The following DCUN1D5 variants were observed in gnomAD, a reference collection of about 807,000 sequenced individuals.
The protein encoded by DCUN1D5 is DCN1-like protein 5.
DCUN1D5 carries 10 observed loss-of-function variants against 38.3 expected under a neutral mutation model. That is an observed-to-expected ratio of 0.26 (90% CI 0.16 to 0.44). The LOEUF (loss-of-function observed/expected upper bound fraction) is 0.44. DCUN1D5 is among the 20% of genes least tolerant of loss of function. DCUN1D5 has a pLI of 1.00. For missense variants in DCUN1D5, 148 were observed against 275.3 expected, an observed-to-expected ratio of 0.54 and a Z score of 3.27; for synonymous variants, 93 against 90.9, an observed-to-expected ratio of 1.02 and a Z score of -0.13.
At chr11:103,089,651 T>G (rs1022251815) in intron 1 of DCUN1D5, among the ~76,000 whole-genome samples, 1 of 152,132 alleles carries the variant, frequency 6.6e-6, no homozygotes, top group Non-Finnish European at 1.5e-5. Context: ...TTCTATTGAT[T>G]TGCATAGAAA....
rs1448522093 is a variant in DCUN1D5, at chr11:103,078,381, G to A, written c.341+4367C>T. On this transcript the variant is annotated intron_variant, in intron 4 of 7. Coordinates refer to ENST00000260247, the MANE Select transcript of DCUN1D5 (RefSeq NM_032299.4). This position sits in a 1 kb window ranked among gnomAD's most constrained non-coding sequence, Gnocchi z 4.6. ...AACCTCGTATCTATAGACGAAGGAAGAGAAATTCCATAACCTCCTGAGAGC... is the reference window on the plus strand; with the variant it reads ...AACCTCGTATCTATAGACGAAGGAAAAGAAATTCCATAACCTCCTGAGAGC... 6.6e-6 allele frequency among the ~76,000 whole-genome samples: 1 copy of A among 152,238 alleles called. No homozygotes were observed. Among genetic ancestry groups the A allele is most frequent in the Non-Finnish European group, 1.5e-5 (1 of 68,048 alleles).
In DCUN1D5 at chr11:103,062,753, A is replaced by G. The variant is rs1162907168; in HGVS notation, c.659-339T>C. 1.3e-5 allele frequency among the ~76,000 whole-genome samples: 2 copies of G among 152,098 alleles called. No individual in the cohort carries two copies. The highest frequency in any genetic ancestry group is 2.1e-4 in the South Asian group (1 of 4,830). ...AACAATCTGAAAAGTGTTGAAGGTA[A>G]TATTTCTATGTTGCCTCCCCAAGAA... On this transcript the variant is annotated intron_variant, in intron 7 of 7. Transcript: ENST00000260247. The surrounding 1 kb of genome is among the most constrained non-coding windows in gnomAD (Gnocchi z 4.6).
chr11:103,077,549 A>C lies in DCUN1D5; in HGVS notation c.341+5199T>G, dbSNP rs753186719. 1.5e-4 allele frequency among the ~76,000 whole-genome samples: 23 copies of C among 152,228 alleles called. No individual in the cohort carries two copies. Among genetic ancestry groups the C allele is most frequent in the Non-Finnish European group, 2.4e-4 (16 of 68,042 alleles). ...GGCCACTGTAGTTAGAAAGAGAAGA[A>C]ATGGGTATTAATTTCAACGTTAGGA... On this transcript the variant is annotated intron_variant, in intron 4 of 7. Coordinates refer to ENST00000260247, the MANE Select transcript of DCUN1D5 (RefSeq NM_032299.4). The surrounding 1 kb of genome is among the most constrained non-coding windows in gnomAD (Gnocchi z 4.3).
intron 4 of DCUN1D5, among the ~76,000 whole-genome samples, chr11:103,069,161 C>G (rs1164957124): frequency 6.6e-6 from 1 of 152,136 alleles, no homozygotes; most frequent in East Asian, 1.9e-4. Flanking sequence ...AAACACAAGA[C>G]CCTGAAAGGT....
chr11:103,081,551 A>G (rs1313768567), intron 4 of DCUN1D5, among the ~76,000 whole-genome samples: 1 of 152,202 alleles, frequency 6.6e-6, no homozygotes, highest in Non-Finnish European at 1.5e-5. Flanking sequence ...ATGTTGATTT[A>G]TATAGAAAGT....
In DCUN1D5 at chr11:103,057,801, G is replaced by C. The variant is rs553100298; in HGVS notation, c.*4558C>G. Among the ~76,000 whole-genome samples, 5 of 151,770 alleles carry C rather than the reference G, an allele frequency of 3.3e-5. No individual in the cohort carries two copies. Among genetic ancestry groups the C allele is most frequent in the African/African-American group, 9.7e-5 (4 of 41,346 alleles). ...GCTCACAGAGTTTTGGGGAAATCTG[G>C]CTCTCTCTATATATTCACTTCAAGT... On this transcript the variant is annotated 3_prime_UTR_variant, in exon 8 of 8. Coordinates refer to ENST00000260247, the MANE Select transcript of DCUN1D5 (RefSeq NM_032299.4). This position sits in a 1 kb window ranked among gnomAD's most constrained non-coding sequence, Gnocchi z 4.8.
At position 103,062,111 on chromosome 11, in the gene DCUN1D5, T is replaced by C; in HGVS notation, c.*248A>G. ...CCTTTGTCACAAATCTGAATCTTTA[T>C]TGTTCTGAAATAAATGTTATAAACA... On this transcript the variant is annotated 3_prime_UTR_variant, in exon 8 of 8. Transcript: ENST00000260247. This position sits in a 1 kb window ranked among gnomAD's most constrained non-coding sequence, Gnocchi z 4.6. 2 of 396,626 alleles carry C rather than the reference T, an allele frequency of 5.0e-6. No homozygotes were observed. The highest frequency in any genetic ancestry group is 8.9e-6 in the Non-Finnish European group (2 of 223,866). 24.6% of individuals were successfully genotyped at this position (396,626 alleles called of 1,614,324 possible).
rs1336777847 is a variant in DCUN1D5 at position 103,065,358 on chromosome 11, T to C, written c.555+911A>G. Among the ~76,000 whole-genome samples the C allele has an allele frequency of 2.0e-5, 3 of 152,134 alleles. No homozygotes were observed. The highest frequency in any genetic ancestry group is 2.9e-5 in the Non-Finnish European group (2 of 68,002). On this transcript the variant is annotated intron_variant, in intron 6 of 7. Transcript: ENST00000260247. The surrounding 1 kb of genome is among the most constrained non-coding windows in gnomAD (Gnocchi z 4.6). ...TTTTAGTAGAGACGGGGATTCACCA[T>C]GTTGGCCAGGCTGGTCTCGAACTCC...
intron 4 of DCUN1D5, among the ~76,000 whole-genome samples, chr11:103,081,574 T>G (rs1189637928): frequency 4.6e-5 from 7 of 152,180 alleles, no homozygotes; most frequent in Admixed American, 4.6e-4. Flanking sequence ...GAATACAGTA[T>G]TAGAGATTGG....
In DCUN1D5 at chr11:103,066,557, T is replaced by C. The variant is rs768046198; in HGVS notation, c.352A>G (p.Thr118Ala). 6.3e-7 allele frequency: 1 copy of C among 1,598,158 alleles called. No individual in the cohort carries two copies. Among genetic ancestry groups the C allele is most frequent in the Non-Finnish European group, 8.6e-7 (1 of 1,167,596 alleles). ...KGMTSLQCDC[T>A]EKLQNKFDFL... is the part of the protein sequence containing the mutation. ...TCAAATTTGTTTTGTAACTTTTCTG[T>C]GCAGTCACACCTTAAATAAAAGAAA... The change falls in exon 5 of 8, where the codon ACA becomes GCA. Residue 118 changes from threonine (T) to alanine (A), a missense_variant. Coordinates refer to ENST00000260247, the MANE Select transcript of DCUN1D5 (RefSeq NM_032299.4). The surrounding 1 kb of genome is among the most constrained non-coding windows in gnomAD (Gnocchi z 4.7).
At chr11:103,068,030 C>T (rs1418096283) in intron 4 of DCUN1D5, among the ~76,000 whole-genome samples, 2 of 152,018 alleles carry the variant, frequency 1.3e-5, no homozygotes, top group African/African-American at 4.8e-5. Context: ...GGCCATAGGG[C>T]CATTCAGATT....
Position 103,066,275 on chromosome 11 carries a change from G to A in DCUN1D5, c.549C>T (p.Tyr183=). ...TWPLFSVFYQ[Y]LEQSKYRVMN... Reference sequence around the variant, plus strand: ...TTCGAAAAAACATACGTACCTCCAGGTACTGGTAAAATACTGAAAACAGTG... The same window carrying A: ...TTCGAAAAAACATACGTACCTCCAGATACTGGTAAAATACTGAAAACAGTG... The change falls in exon 6 of 8, where the codon TAC becomes TAT. Residue 183 remains tyrosine (Y), a synonymous_variant. Transcript: ENST00000260247. The surrounding 1 kb of genome is among the most constrained non-coding windows in gnomAD (Gnocchi z 4.7). 2 of 1,584,430 alleles carry A rather than the reference G, an allele frequency of 1.3e-6. No individual in the cohort carries two copies. The highest frequency in any genetic ancestry group is 1.2e-5 in the South Asian group (1 of 84,588).
Position 103,051,366 on chromosome 11 carries a change from C to G in DCUN1D5, c.*10993G>C, listed in dbSNP as rs535881125. 3 of 152,150 alleles carry G rather than the reference C, an allele frequency of 2.0e-5. No homozygotes were observed. The highest frequency in any genetic ancestry group is 2.0e-4 in the Admixed American group (3 of 15,280). The allele number at this position is 152,150 out of a possible 1,614,324, so 9.4% of individuals were successfully genotyped here. ...TTATCTTGTGGTTTGCTTCTTCTGA[C>G]AAGGCAGCAACCTTAGAAATGATAT... On this transcript the variant is annotated 3_prime_UTR_variant, in exon 8 of 8. Transcript: ENST00000260247.
Position 103,077,302 on chromosome 11 carries a change from A to C in DCUN1D5, c.341+5446T>G, listed in dbSNP as rs776010374. Among the ~76,000 whole-genome samples the C allele has an allele frequency of 6.6e-5, 10 of 152,224 alleles. No individual in the cohort carries two copies. The highest frequency in any genetic ancestry group is 1.5e-4 in the Non-Finnish European group (10 of 68,034). On this transcript the variant is annotated intron_variant, in intron 4 of 7. Coordinates refer to ENST00000260247, the MANE Select transcript of DCUN1D5 (RefSeq NM_032299.4). The surrounding 1 kb of genome is among the most constrained non-coding windows in gnomAD (Gnocchi z 4.3). Reference sequence around the variant, plus strand: ...AAACCAACATACCGAAGCAGTTACTAACAGCAATACAATTTTTATATCGAA... The same window carrying C: ...AAACCAACATACCGAAGCAGTTACTCACAGCAATACAATTTTTATATCGAA...
In DCUN1D5 at chr11:103,072,267, A is replaced by G. The variant is rs1027183237; in HGVS notation, c.342-5700T>C. On this transcript the variant is annotated intron_variant, in intron 4 of 7. Coordinates refer to ENST00000260247, the MANE Select transcript of DCUN1D5 (RefSeq NM_032299.4). ...TGTGGAGAAATAGGAATGATTTTACACTGTTGGTGGGACTGTAAACTAGTT... is the reference window on the plus strand; with the variant it reads ...TGTGGAGAAATAGGAATGATTTTACGCTGTTGGTGGGACTGTAAACTAGTT... 4.7e-5 allele frequency among the ~76,000 whole-genome samples: 7 copies of G among 150,288 alleles called. No individual in the cohort carries two copies. In the South Asian group the frequency reaches 1.3e-3, roughly 27 times the overall value.
In DCUN1D5 at chr11:103,066,351, T is replaced by G. The variant is rs759316453; in HGVS notation, c.473A>C (p.Asp158Ala). ...TAACATAGATTTAGCAGTATCAATA[T>G]CAAGGCTTCTCTGATCTTTATCCTA... ...FARDKDQRSLDIDTAKSMLAL... is the reference protein window; with the variant it reads ...FARDKDQRSLAIDTAKSMLAL... Residue 158 changes from aspartate (D) to alanine (A), a missense_variant, in exon 6 of 8, where the codon GAT becomes GCT. By Grantham distance (126) the Asp-to-Ala change is moderately radical. Coordinates refer to ENST00000260247, the MANE Select transcript of DCUN1D5 (RefSeq NM_032299.4). This position sits in a 1 kb window ranked among gnomAD's most constrained non-coding sequence, Gnocchi z 4.7. The G allele has an allele frequency of 6.2e-7, 1 of 1,611,124 alleles. No individual in the cohort carries two copies.
chr11:103,079,201 C>T (rs1276480750), intron 4 of DCUN1D5, among the ~76,000 whole-genome samples: 1 of 152,172 alleles, frequency 6.6e-6, no homozygotes, highest in Non-Finnish European at 1.5e-5. Context: ...GGAACAGTTT[C>T]ATCCCAAAGC....
rs1417046914 is a variant in DCUN1D5, at chr11:103,060,305, T to G, written c.*2054A>C. The stretch of plus-strand genomic sequence containing the variant: ...AATAAAGTAAATTTCATTTTCAGAC[T>G]CAAAAAGTCTTAAAGGTATCTTTGG... On this transcript the variant is annotated 3_prime_UTR_variant, in exon 8 of 8. Transcript: ENST00000260247. Among the ~76,000 whole-genome samples the G allele has an allele frequency of 6.6e-6, 1 of 152,132 alleles. No homozygotes were observed. The highest frequency in any genetic ancestry group is 2.4e-5 in the African/African-American group (1 of 41,434).
chr11:103,076,191 A>C (rs544786307), intron 4 of DCUN1D5, among the ~76,000 whole-genome samples: 1 of 152,248 alleles, frequency 6.6e-6, no homozygotes, highest in Non-Finnish European at 1.5e-5. Flanking sequence ...CTGTCATAGC[A>C]TAACACAGGA....
Sources: gnomAD v4.1 joint callset for allele counts (sites outside exome capture counted in the v4.1 genomes callset) on GRCh38, gnomAD v4.1.1 for gene constraint, Gnocchi (gnomAD v3.1) non-coding constraint, MANE v1.5 for transcripts, NCBI Gene and HGNC (gene_info 2026-07-23, HGNC 2026-07-21) for gene names.